SNX25: variants seen among roughly 807,000 people sequenced by gnomAD.
SNX25 encodes sorting nexin-25.
In SNX25, 62 loss-of-function variants were observed where a neutral mutation model predicts 113.7. The ratio of observed to expected loss-of-function variants is 0.55; its 90% CI spans 0.44 to 0.67. The LOEUF is 0.67. Ranked by LOEUF, SNX25 falls within the 30% of genes least tolerant of loss-of-function variation. The probability of loss-of-function intolerance (pLI) is 0.00; values close to 1 mark genes in which losing one functional copy is unlikely to be tolerated. For missense variants in SNX25, 1,014 were observed against 1,161.0 expected (o/e 0.87, Z 1.84); for synonymous variants, 421 against 436.2 (o/e 0.97, Z 0.43).
rs1746860229 is a variant in SNX25, at chr4:185,259,056, C to T, written c.723C>T (p.Ala241=). ...CTCATTTCTGTGACCTGAAAGCTGCCAATGCCAGGTAACTGTTCTAAGCAA... is the reference window on the plus strand; with the variant it reads ...CTCATTTCTGTGACCTGAAAGCTGCTAATGCCAGGTAACTGTTCTAAGCAA... ...LLTHFCDLKA[A]NARHEEQPRP... The change falls in exon 3 of 19, where the codon GCC becomes GCT. Residue 241 remains alanine (A), a synonymous_variant. Transcript: ENST00000652585. The T allele has an allele frequency of 1.9e-6, 3 of 1,613,936 alleles. No individual in the cohort carries two copies. Among genetic ancestry groups the T allele is most frequent in the Non-Finnish European group, 2.5e-6 (3 of 1,179,906 alleles).
At chr4:185,331,706 G>A (rs1416357050) in intron 9 of SNX25, among the ~76,000 whole-genome samples, 3 of 152,038 alleles carry the variant, frequency 2.0e-5, no homozygotes, top group African/African-American at 4.8e-5. Flanking sequence ...GCTTTGACCC[G>A]GGAGGCAGAG....
In SNX25 at chr4:185,314,422, A is replaced by G. The variant is rs529253022; in HGVS notation, c.1344+3606A>G. ...AAGATACAAATTGCCAGTATTAGGAATGAAATAGGACATCACTAACAGATG... is the reference window on the plus strand; with the variant it reads ...AAGATACAAATTGCCAGTATTAGGAGTGAAATAGGACATCACTAACAGATG... On this transcript the variant is annotated intron_variant, in intron 7 of 18. Transcript: ENST00000652585. Among the ~76,000 whole-genome samples, 92 of 152,322 alleles carry G rather than the reference A, an allele frequency of 6.0e-4. 2 individuals are homozygous for G. Among genetic ancestry groups the G allele is most frequent in the Middle Eastern group, 3.4e-3 (1 of 294 alleles).
rs1322726612 is a variant in SNX25, at chr4:185,334,388, A to G, written c.1914+1629A>G. Among the ~76,000 whole-genome samples, 1 of 152,210 alleles carries G rather than the reference A, an allele frequency of 6.6e-6. No homozygotes were observed. The highest frequency in any genetic ancestry group is 2.4e-5 in the African/African-American group (1 of 41,450). Reference sequence around the variant, plus strand: ...AGCGTTAATGGTATTCTGAAAAGGAAACAAATGGCCAGGTTTCCTGGATTG... The same window carrying G: ...AGCGTTAATGGTATTCTGAAAAGGAGACAAATGGCCAGGTTTCCTGGATTG... On this transcript the variant is annotated intron_variant, in intron 10 of 18. Transcript: ENST00000652585. The surrounding 1 kb of genome is among the most constrained non-coding windows in gnomAD (Gnocchi z 4.2).
chr4:185,284,871 G>C (rs1253585603), intron 5 of SNX25, among the ~76,000 whole-genome samples: 1 of 152,060 alleles, frequency 6.6e-6, no homozygotes, highest in Non-Finnish European at 1.5e-5. Context: ...CTTATTTAGA[G>C]GCATTCAAAG....
At chr4:185,239,340 G>T (rs111815512) in intron 1 of SNX25, among the ~76,000 whole-genome samples, 1 of 151,960 alleles carries the variant, frequency 6.6e-6, no homozygotes, top group African/African-American at 2.4e-5. Flanking sequence ...AAAATTAGCC[G>T]GGCGTGGTGG....
Position 185,264,516 on chromosome 4 carries a change from G to A in SNX25, c.810G>A (p.Thr270=). 8 of 1,614,014 alleles carry A rather than the reference G, an allele frequency of 5.0e-6. No homozygotes were observed. Among genetic ancestry groups the A allele is most frequent in the African/African-American group, 2.7e-5 (2 of 75,042 alleles). ...ATGATGAAGTAAGATTTCTACAAACGTGTTCTCGGGTTCTGGTGTTTTGTC... is the reference window on the plus strand; with the variant it reads ...ATGATGAAGTAAGATTTCTACAAACATGTTCTCGGGTTCTGGTGTTTTGTC... ...NSDDEVRFLQ[T]CSRVLVFCLL... Residue 270 remains threonine (T), a synonymous_variant, in exon 4 of 19, where the codon ACG becomes ACA. Transcript: ENST00000652585.
At chr4:185,224,490 A>T (rs1171351979) in intron 1 of SNX25, among the ~76,000 whole-genome samples, 1 of 132,986 alleles carries the variant, frequency 7.5e-6, no homozygotes, top group African/African-American at 2.8e-5. Flanking sequence ...TAGATATATA[A>T]ATAGATATAT....
At chr4:185,305,499 T>G (rs560882512) in intron 6 of SNX25, among the ~76,000 whole-genome samples, 45 of 152,332 alleles carry the variant, frequency 3.0e-4, no homozygotes, top group Admixed American at 2.5e-3. Context: ...TTAAGTTACT[T>G]TGCTCTCTGC....
At chr4:185,339,666 G>T (rs781527322) in intron 11 of SNX25, among the ~76,000 whole-genome samples, 156 bp downstream of exon 11, 1 of 152,058 alleles carries the variant, frequency 6.6e-6, no homozygotes, top group African/African-American at 2.4e-5. Context: ...TTTTCACTCC[G>T]GTTCACTCAT....
intron 2 of SNX25, among the ~76,000 whole-genome samples, chr4:185,255,493 C>T (rs1305609359): frequency 6.6e-6 from 1 of 152,084 alleles, no homozygotes; most frequent in Non-Finnish European, 1.5e-5. Context: ...AGAGAGGTGT[C>T]GTTGCTGGGA....
intron 6 of SNX25, among the ~76,000 whole-genome samples, chr4:185,307,696 C>G (rs2126657739): frequency 6.6e-6 from 1 of 152,310 alleles, no homozygotes. Context: ...GAGGAGGTAG[C>G]CTTTCTCCAA....
intron 1 of SNX25, among the ~76,000 whole-genome samples, chr4:185,212,356 A>G (rs571609986): frequency 5.3e-5 from 8 of 151,162 alleles, no homozygotes; most frequent in Non-Finnish European, 8.8e-5. Context: ...TAAGTTATAT[A>G]TTGCTTAGAA....
intron 1 of SNX25, among the ~76,000 whole-genome samples, chr4:185,238,049 C>G (rs182690931): frequency 1.7e-5 from 2 of 117,296 alleles, no homozygotes; most frequent in Non-Finnish European, 3.3e-5. Context: ...GGCTACAGAG[C>G]GAGACTCCAT....
intron 7 of SNX25, among the ~76,000 whole-genome samples, chr4:185,312,525 CTTTT>C (rs35806929): frequency 7.1e-6 from 1 of 139,948 alleles, no homozygotes; most frequent in African/African-American, 2.6e-5. Flanking sequence ...TTGATTTGTT[CTTTT>C]TTTTTTTTTT....
chr4:185,373,012 A>T (rs773456843), downstream of SNX25: 1 of 1,613,832 alleles, frequency 6.2e-7, no homozygotes, highest in Non-Finnish European at 8.5e-7. Context: ...ATACAAGTAC[A>T]TGAGCCCAAG....
downstream of SNX25, among the ~76,000 whole-genome samples, chr4:185,373,837 T>C (rs1358895246): frequency 1.3e-5 from 2 of 152,224 alleles, no homozygotes; most frequent in Non-Finnish European, 2.9e-5. Context: ...AACGGTAATA[T>C]TCATCTGTTC....
At chr4:185,294,859 T>G (rs1699256974) in intron 6 of SNX25, among the ~76,000 whole-genome samples, 1 of 152,160 alleles carries the variant, frequency 6.6e-6, no homozygotes. Context: ...AATTTAGCAT[T>G]CCTCGTTGTC....
chr4:185,233,712 T>A (rs1183899542), intron 1 of SNX25, among the ~76,000 whole-genome samples: 1 of 152,212 alleles, frequency 6.6e-6, no homozygotes, highest in African/African-American at 2.4e-5. Context: ...TTGTCTGATT[T>A]GAAATATACT....
chr4:185,209,456 T>A (rs917717799), upstream of SNX25: 1 of 152,182 alleles, frequency 6.6e-6, no homozygotes, highest in Non-Finnish European at 1.5e-5. The surrounding 1 kb of genome is among the most constrained non-coding windows in gnomAD (Gnocchi z 5.2). Flanking sequence ...CCTCTCCCCG[T>A]GGGGCCCCGG....
Sources: allele counts gnomAD v4.1 joint callset (sites outside exome capture counted in the v4.1 genomes callset), GRCh38; gene constraint gnomAD v4.1.1; non-coding constraint Gnocchi (gnomAD v3.1); transcripts MANE v1.5; gene names NCBI Gene and HGNC (gene_info 2026-07-23, HGNC 2026-07-21).